TYW1B: variants seen among roughly 807,000 people sequenced by gnomAD.
The protein encoded by TYW1B is tRNA-yW synthesizing protein 1 homolog B.
TYW1B carries 73 observed loss-of-function variants against 86.9 expected under a neutral mutation model. The observed-to-expected ratio is 0.84, with a 90% CI of 0.70 to 1.02. The LOEUF (loss-of-function observed/expected upper bound fraction) is 1.02, where lower values mean the gene tolerates loss of function less well. Ranked by LOEUF, TYW1B falls within the 50% of genes least tolerant of loss-of-function variation. TYW1B has a pLI of 0.00. For synonymous variants in TYW1B, 248 were observed against 292.8 expected (o/e 0.85, Z 1.56); for missense variants, 637 against 827.4 (o/e 0.77, Z 2.82).
intron 7 of TYW1B, among the ~76,000 whole-genome samples, chr7:72,776,025 T>C (rs1320158751): frequency 1.3e-5 from 2 of 152,148 alleles, no homozygotes; most frequent in African/African-American, 4.8e-5. Context: ...CTTACACCTG[T>C]AGTCTCAGCT....
intron 7 of TYW1B, among the ~76,000 whole-genome samples, chr7:72,766,008 T>C (rs1371175400): frequency 2.0e-5 from 3 of 152,228 alleles, no homozygotes; most frequent in Non-Finnish European, 4.4e-5. Context: ...ATTGAAATTT[T>C]ACAATCAACA....
intron 10 of TYW1B, among the ~76,000 whole-genome samples, chr7:72,698,338 A>G (rs1175479619): frequency 6.6e-6 from 1 of 152,106 alleles, no homozygotes; most frequent in Non-Finnish European, 1.5e-5. Flanking sequence ...TAACATGTGC[A>G]AGGATCTATA....
At chr7:72,743,232 A>G (rs186694937) in intron 8 of TYW1B, among the ~76,000 whole-genome samples, 3 of 152,318 alleles carry the variant, frequency 2.0e-5, no homozygotes, top group African/African-American at 7.2e-5. Context: ...TCCTACCATC[A>G]TAACACAGAG....
intron 11 of TYW1B, among the ~76,000 whole-genome samples, chr7:72,650,069 G>GGT (rs541949479): frequency 7.6e-6 from 1 of 131,556 alleles, no homozygotes; most frequent in Non-Finnish European, 1.6e-5. Context: ...TTTTTTGTTG[G>GGT]TTTTTTTTTT....
At chr7:72,663,554 C>T (rs1319293982) in intron 11 of TYW1B, among the ~76,000 whole-genome samples, 1 of 151,810 alleles carries the variant, frequency 6.6e-6, no homozygotes, top group Non-Finnish European at 1.5e-5. Flanking sequence ...GTCAGGAGAT[C>T]GAGACCATCC....
chr7:72,607,393 CAAAAAA>C (rs57281644), intron 13 of TYW1B, among the ~76,000 whole-genome samples: 2 of 76,236 alleles, frequency 2.6e-5, no homozygotes, highest in African/African-American at 4.9e-5. Flanking sequence ...TTCTGTCTCT[CAAAAAA>C]AAAAAAAAAA....
At position 72,602,886 on chromosome 7, in the gene TYW1B, A is replaced by AC. The variant is rs1585839572; in HGVS notation, c.1785+13785_1785+13786insG. On this transcript the variant is annotated intron_variant, in intron 13 of 13. Coordinates refer to ENST00000620995, the MANE Select transcript of TYW1B (RefSeq NM_001145440.3). ...CACACACACACACACACACACACAC[A>AC]ATGTTGATGGGGTTATGGCAAAGTA... Among the ~76,000 whole-genome samples, 16 of 139,676 alleles carry AC rather than the reference A, an allele frequency of 1.1e-4. No individual in the cohort carries two copies. In the South Asian group the frequency reaches 1.9e-3, roughly 16 times the overall value. 91.6% of individuals were successfully genotyped at this position (139,676 alleles called of 152,430 possible).
chr7:72,624,742 T>C (rs1454221239), intron 12 of TYW1B, among the ~76,000 whole-genome samples: 3 of 152,336 alleles, frequency 2.0e-5, no homozygotes, highest in East Asian at 1.9e-4. Flanking sequence ...TGTTATTTAT[T>C]ACATTATATT....
chr7:72,761,420 G>A (rs1375245151), intron 7 of TYW1B, among the ~76,000 whole-genome samples: 1 of 151,758 alleles, frequency 6.6e-6, no homozygotes, highest in Non-Finnish European at 1.5e-5. Flanking sequence ...TATAAGATGG[G>A]CATAAAAATG....
At chr7:72,648,544 GAAAAAAA>G (rs1171338007) in intron 11 of TYW1B, among the ~76,000 whole-genome samples, 19 of 75,210 alleles carry the variant, frequency 2.5e-4, no homozygotes, top group African/African-American at 7.7e-4. Context: ...CTCTGTCTCA[GAAAAAAA>G]AAAAAAAAAA....
rs186645676 is a variant in TYW1B, at chr7:72,597,589, G to A, written c.1785+19083C>T. 4.0e-5 allele frequency among the ~76,000 whole-genome samples: 6 copies of A among 151,288 alleles called. 1 individual carries two copies. Among genetic ancestry groups the A allele is most frequent in the South Asian group, 4.2e-4 (2 of 4,796 alleles). On this transcript the variant is annotated intron_variant, in intron 13 of 13. Transcript: ENST00000620995. ...TGGCGGTACCACCCTGAACGCACCC[G>A]ATCTCGGCTGAACTAGACACACCTC...
At chr7:72,691,007 C>A (rs1240874028) in intron 11 of TYW1B, among the ~76,000 whole-genome samples, 6 of 152,220 alleles carry the variant, frequency 3.9e-5, no homozygotes, top group Admixed American at 2.6e-4. Flanking sequence ...CCCGCCTCAG[C>A]CTCCCAAAGT....
chr7:72,743,038 CA>C (rs1461558045), intron 8 of TYW1B, among the ~76,000 whole-genome samples: 1 of 152,128 alleles, frequency 6.6e-6, no homozygotes, highest in Non-Finnish European at 1.5e-5. Context: ...CAAGTTAACA[CA>C]AGCCTAATAA....
chr7:72,699,067 G>A (rs1322473792), intron 10 of TYW1B, among the ~76,000 whole-genome samples: 2 of 152,074 alleles, frequency 1.3e-5, no homozygotes, highest in African/African-American at 4.8e-5. Context: ...ACCACGCAGC[G>A]CCATGACTAA....
At chr7:72,827,848 T>A (rs374238446) in intron 1 of TYW1B, among the ~76,000 whole-genome samples, 1 of 152,216 alleles carries the variant, frequency 6.6e-6, no homozygotes, top group South Asian at 2.1e-4. Context: ...GTGGGTAAAG[T>A]GGGAGGGGTA....
At chr7:72,700,006 G>A (rs1360475237) in intron 10 of TYW1B, among the ~76,000 whole-genome samples, 2 of 151,956 alleles carry the variant, frequency 1.3e-5, no homozygotes, top group Non-Finnish European at 2.9e-5. Flanking sequence ...TTACATGTGT[G>A]TGGCTCTAGG....
intron 13 of TYW1B, among the ~76,000 whole-genome samples, chr7:72,607,045 T>A (rs1811817399): frequency 6.6e-6 from 1 of 152,124 alleles, no homozygotes; most frequent in African/African-American, 2.4e-5. Context: ...AATTATCTGA[T>A]TAAGATTTTA....
At chr7:72,644,346 G>T (rs1206359874) in intron 11 of TYW1B, among the ~76,000 whole-genome samples, 1 of 152,048 alleles carries the variant, frequency 6.6e-6, no homozygotes, top group African/African-American at 2.4e-5. Context: ...TCAGGAGTTC[G>T]AGACCAGCCT....
chr7:72,744,742 G>C (rs369747897), intron 7 of TYW1B, 141 bp from the exon 8 acceptor site: 1 of 967,456 alleles, frequency 1.0e-6, no homozygotes, highest in African/African-American at 1.6e-5. Context: ...CAGGAAATTC[G>C]CATCAGAGCA....
Sources: gnomAD v4.1 joint callset for allele counts (sites outside exome capture counted in the v4.1 genomes callset) on GRCh38, gnomAD v4.1.1 for gene constraint, MANE v1.5 for transcripts, NCBI Gene and HGNC (gene_info 2026-07-23, HGNC 2026-07-21) for gene names.